Variants in GPHN observed in about 807,000 individuals in gnomAD.
GPHN encodes the protein gephyrin.
A neutral mutation model predicts 95.5 loss-of-function variants in GPHN; 17 were observed. The observed-to-expected ratio is 0.18, with a 90% confidence interval of 0.12 to 0.27. The LOEUF is 0.27. GPHN is among the 10% of genes least tolerant of loss of function. The probability of loss-of-function intolerance (pLI) is 1.00; values close to 1 mark genes in which losing one functional copy is unlikely to be tolerated. For synonymous variants in GPHN, 320 were observed against 322.5 expected (o/e 0.99, Z 0.08); for missense variants, 660 against 978.1 (o/e 0.67, Z 4.34).
the GPHN span, among the ~76,000 whole-genome samples, chr14:67,695,063 T>C: frequency 6.6e-6 from 1 of 152,176 alleles, no homozygotes; most frequent in Non-Finnish European, 1.5e-5. Flanking sequence ...TCCCCCGTGC[T>C]CCTGCTCGCA....
intron 5 of GPHN, among the ~76,000 whole-genome samples, chr14:66,904,200 A>C (rs1428129441): frequency 6.6e-6 from 1 of 152,146 alleles, no homozygotes; most frequent in Non-Finnish European, 1.5e-5. Context: ...CAAAAGAGTG[A>C]GCAGCAGCAA....
At chr14:67,439,837 T>C in the GPHN span, among the ~76,000 whole-genome samples, 4 of 152,124 alleles carry the variant, frequency 2.6e-5, no homozygotes, top group African/African-American at 9.7e-5. Flanking sequence ...CTCTTTTCTT[T>C]TTTCTTTTCT....
intron 13 of GPHN, among the ~76,000 whole-genome samples, chr14:67,102,099 C>G (rs1022197983): frequency 6.6e-6 from 1 of 151,734 alleles, no homozygotes; most frequent in Non-Finnish European, 1.5e-5. Flanking sequence ...GTCTCGATCT[C>G]CTGACCTCGT....
chr14:66,948,607 G>C (rs1030422065), intron 8 of GPHN, among the ~76,000 whole-genome samples: 1 of 152,246 alleles, frequency 6.6e-6, no homozygotes, highest in African/African-American at 2.4e-5. Context: ...TTTCATTCAA[G>C]TCACTGATAA....
chr14:66,956,854 T>G (rs1393474798), intron 8 of GPHN, among the ~76,000 whole-genome samples: 2 of 151,268 alleles, frequency 1.3e-5, no homozygotes, highest in African/African-American at 2.4e-5. Context: ...CTCAGTAAAC[T>G]ATCGCAAGAA....
intron 12 of GPHN, among the ~76,000 whole-genome samples, chr14:67,098,679 G>A (rs1036359171): frequency 3.3e-5 from 5 of 152,050 alleles, no homozygotes; most frequent in Middle Eastern, 3.4e-3. Flanking sequence ...AAAATTAGCC[G>A]GGCATGGTGG....
At chr14:67,166,128 G>C (rs767678870) in intron 20 of GPHN, among the ~76,000 whole-genome samples, 18 of 152,106 alleles carry the variant, frequency 1.2e-4, no homozygotes, top group Admixed American at 3.3e-4. Flanking sequence ...AGAAATGGAA[G>C]CAGGCAGAAA....
At chr14:66,563,997 C>A (rs570430421) in intron 1 of GPHN, among the ~76,000 whole-genome samples, 2 of 152,106 alleles carry the variant, frequency 1.3e-5, no homozygotes, top group Non-Finnish European at 2.9e-5. Context: ...TGAATACTTG[C>A]ATGTTTCATT....
At chr14:66,930,765 A>T (rs1279740527) in intron 8 of GPHN, among the ~76,000 whole-genome samples, 1 of 152,062 alleles carries the variant, frequency 6.6e-6, no homozygotes, top group East Asian at 1.9e-4. Context: ...GGCTCAAGCG[A>T]TCCACCCACC....
intron 1 of GPHN, among the ~76,000 whole-genome samples, chr14:66,624,485 C>G (rs2063443357): frequency 6.6e-6 from 1 of 152,196 alleles, no homozygotes; most frequent in Non-Finnish European, 1.5e-5. Flanking sequence ...GTCTGGTTCT[C>G]TGATAGCTTA....
At chr14:67,646,848 C>A in the GPHN span, 2 of 1,378,972 alleles carry the variant, frequency 1.5e-6, no homozygotes, top group African/African-American at 1.4e-5. Context: ...ACAAACCCAC[C>A]CTCTCCCCCA....
chr14:67,444,828 T>C, the GPHN span, among the ~76,000 whole-genome samples: 1 of 152,148 alleles, frequency 6.6e-6, no homozygotes, highest in East Asian at 1.9e-4. Context: ...GGCAAAATCT[T>C]GGCTCACTGC....
chr14:67,702,654 G>T, the GPHN span, among the ~76,000 whole-genome samples: 1 of 152,174 alleles, frequency 6.6e-6, no homozygotes, highest in Non-Finnish European at 1.5e-5. Flanking sequence ...CTTAAGTCAT[G>T]TGAACTTGGA....
At chr14:66,713,717 C>T (rs2069892186) in intron 2 of GPHN, among the ~76,000 whole-genome samples, 2 of 150,302 alleles carry the variant, frequency 1.3e-5, no homozygotes, top group African/African-American at 4.9e-5. Flanking sequence ...TTGTAGATTG[C>T]TTTTGGCACT....
At chr14:67,726,856 T>G in the GPHN span, 4 of 780,774 alleles carry the variant, frequency 5.1e-6, no homozygotes, top group African/African-American at 6.8e-5. Context: ...TTAGAGTTAC[T>G]CATGGCATCA....
At chr14:67,397,708 TC>T in the GPHN span, 3 of 1,613,442 alleles carry the variant, frequency 1.9e-6, no homozygotes, top group African/African-American at 4.0e-5. Context: ...GGTGCAGCCA[TC>T]CAGGAGGATC....
chr14:67,516,489 C>A, the GPHN span, among the ~76,000 whole-genome samples: 106 of 152,160 alleles, frequency 7.0e-4, no homozygotes, highest in Non-Finnish European at 1.4e-3. Context: ...TCTCAGAAGT[C>A]CAAGGCAGCA....
intron 3 of GPHN, among the ~76,000 whole-genome samples, chr14:66,793,700 A>G (rs1250376864): frequency 5.3e-5 from 8 of 152,150 alleles, no homozygotes; most frequent in African/African-American, 1.9e-4. Context: ...ACTATTTAGG[A>G]GTAACATTTC....
intron 1 of GPHN, among the ~76,000 whole-genome samples, chr14:66,670,650 G>A (rs1485230974): frequency 2.0e-5 from 3 of 152,112 alleles, no homozygotes; most frequent in African/African-American, 7.2e-5. Flanking sequence ...AATTTAGCTG[G>A]GCATGGTGGC....
Sources: allele counts gnomAD v4.1 joint callset (sites outside exome capture counted in the v4.1 genomes callset), GRCh38; gene constraint gnomAD v4.1.1; transcripts MANE v1.5; gene names NCBI Gene and HGNC (gene_info 2026-07-23, HGNC 2026-07-21).